Variants in CAST observed in about 807,000 individuals in gnomAD.
CAST encodes the protein calpastatin.
A neutral mutation model predicts 119.6 loss-of-function variants in CAST; 76 were observed. The observed-to-expected ratio is 0.64, with a 90% confidence interval of 0.53 to 0.77. The LOEUF (loss-of-function observed/expected upper bound fraction) is 0.77, where lower values mean the gene tolerates loss of function less well. Among genes scored for constraint, CAST ranks in the 30% least tolerant of loss-of-function variants. CAST has a pLI of 0.00. For synonymous variants in CAST, 319 were observed against 331.6 expected, an observed-to-expected ratio of 0.96 and a Z score of 0.41; for missense variants, 953 against 946.5, an observed-to-expected ratio of 1.01 and a Z score of -0.09.
intron 2 of CAST, among the ~76,000 whole-genome samples, chr5:96,678,879 G>C (rs945421238): frequency 6.6e-6 from 1 of 152,072 alleles, no homozygotes; most frequent in Non-Finnish European, 1.5e-5. Context: ...CACACATGGA[G>C]ATGAATGTAG....
chr5:96,616,579 A>G (rs144086913), intron 1 of CAST, among the ~76,000 whole-genome samples: 20 of 152,246 alleles, frequency 1.3e-4, no homozygotes, highest in African/African-American at 4.8e-4. Flanking sequence ...CACTGGTACC[A>G]TCTTCACTTT....
chr5:96,071,846 G>C, the CAST span, among the ~76,000 whole-genome samples: 2 of 152,104 alleles, frequency 1.3e-5, no homozygotes, highest in African/African-American at 4.8e-5. Flanking sequence ...TTTGGAAGTG[G>C]GGGCAAGTGA....
Position 96,767,929 on chromosome 5 carries a change from C to T in CAST, c.2198C>T (p.Pro733Leu), listed in dbSNP as rs747618954. Residue 733 changes from proline (P) to leucine (L), a missense_variant, in exon 29 of 32, where the codon CCC becomes CTC. Pro to Leu is a moderately conservative substitution (Grantham distance 98). Transcript: ENST00000675179. ...DSKKPADDQDPIDALSGDLDS... is the reference protein window; with the variant it reads ...DSKKPADDQDLIDALSGDLDS... ...CAGAAACCTGCAGATGACCAAGACC[C>T]CATTGATGCTCTCTCAGGAGATCTG... 6.2e-7 allele frequency: 1 copy of T among 1,613,326 alleles called. No homozygotes were observed. Among genetic ancestry groups the T allele is most frequent in the Non-Finnish European group, 8.5e-7 (1 of 1,179,360 alleles).
intron 9 of CAST, among the ~76,000 whole-genome samples, chr5:96,732,587 G>T (rs1452351844): frequency 6.6e-6 from 1 of 151,292 alleles, no homozygotes; most frequent in Non-Finnish European, 1.5e-5. Context: ...CCATGCCTAT[G>T]TCCTGAATGG....
chr5:96,305,579 T>C, the CAST span, among the ~76,000 whole-genome samples: 1 of 152,212 alleles, frequency 6.6e-6, no homozygotes, highest in African/African-American at 2.4e-5. Flanking sequence ...AGTATAATAT[T>C]GGCTCTGGGT....
chr5:96,550,387 C>T lies in CAST; in HGVS notation c.60+20507C>T, dbSNP rs542154646. 1.3e-3 allele frequency among the ~76,000 whole-genome samples: 192 copies of T among 152,282 alleles called. 1 individual carries two copies. Among genetic ancestry groups the T allele is most frequent in the Admixed American group, 2.3e-3 (35 of 15,288 alleles). ...GCATCAACATCAACAAAAAGGACAT[C>T]CACACCAAAACCTCATATGTAGGTC... On this transcript the variant is annotated intron_variant, in intron 1 of 11. Transcript: ENST00000505143.
chr5:96,663,003 C>G, intron 1 of CAST: 3 of 653,144 alleles, frequency 4.6e-6, no homozygotes, highest in Middle Eastern at 7.0e-4. Flanking sequence ...ACCTGGCAGC[C>G]GCCTTGGGAT....
At chr5:96,131,389 G>A in the CAST span, among the ~76,000 whole-genome samples, 1 of 151,594 alleles carries the variant, frequency 6.6e-6, no homozygotes, top group Non-Finnish European at 1.5e-5. Flanking sequence ...AGAATGGAAT[G>A]CAGCTGTAAA....
the CAST span, among the ~76,000 whole-genome samples, chr5:96,186,800 C>T: frequency 6.6e-6 from 1 of 152,150 alleles, no homozygotes; most frequent in Non-Finnish European, 1.5e-5. Context: ...GGATATTCGC[C>T]TGAAGCTTTC....
At chr5:96,593,104 T>C (rs1746994030) in intron 1 of CAST, among the ~76,000 whole-genome samples, 1 of 152,182 alleles carries the variant, frequency 6.6e-6, no homozygotes, top group Non-Finnish European at 1.5e-5. Context: ...AATCTCAGCT[T>C]CCTTTGTGGC....
chr5:96,528,003 TA>T (rs1295751151), upstream of CAST, among the ~76,000 whole-genome samples: 1 of 152,250 alleles, frequency 6.6e-6, no homozygotes, highest in African/African-American at 2.4e-5. Flanking sequence ...CCATAGCAAC[TA>T]ATACTATTTA....
the CAST span, among the ~76,000 whole-genome samples, chr5:96,120,149 T>C: frequency 2.0e-5 from 3 of 152,254 alleles, no homozygotes; most frequent in African/African-American, 7.2e-5. Flanking sequence ...AGGTTTCCTT[T>C]TGGGGTGTTA....
intron 2 of CAST, among the ~76,000 whole-genome samples, chr5:96,680,369 A>AAAAAAAAAAT (rs1751237790): frequency 7.1e-6 from 1 of 140,322 alleles, no homozygotes; most frequent in African/African-American, 2.8e-5. Context: ...AAAAAAAAAA[A>AAAAAAAAAAT]AAAAAAAAAA....
chr5:96,763,074 T>A, intron 25 of CAST: 1 of 769,748 alleles, frequency 1.3e-6, no homozygotes, highest in Non-Finnish European at 2.4e-6. Flanking sequence ...TCTCCTTTGG[T>A]TGAGAACAGT....
chr5:96,369,101 T>C, the CAST span, among the ~76,000 whole-genome samples: 24 of 151,954 alleles, frequency 1.6e-4, no homozygotes, highest in African/African-American at 5.5e-4. Context: ...GGACTTTTAC[T>C]ATTTGGATGT....
chr5:96,001,283 A>G, the CAST span, among the ~76,000 whole-genome samples: 7 of 152,340 alleles, frequency 4.6e-5, no homozygotes, highest in East Asian at 1.3e-3. Flanking sequence ...TTAAAAGATA[A>G]TGTTGCATAT....
the CAST span, among the ~76,000 whole-genome samples, chr5:96,108,826 G>A: frequency 6.6e-6 from 1 of 152,224 alleles, no homozygotes; most frequent in Non-Finnish European, 1.5e-5. Flanking sequence ...CCCCAGCCTT[G>A]CTGCCACCTT....
intron 1 of CAST, among the ~76,000 whole-genome samples, chr5:96,617,771 A>G (rs755156745): frequency 5.5e-4 from 72 of 129,990 alleles, no homozygotes; most frequent in South Asian, 8.5e-4. Context: ...CAGCCTGGGC[A>G]ACAGAGCAAA....
the CAST span, among the ~76,000 whole-genome samples, chr5:96,334,973 T>C: frequency 6.6e-6 from 1 of 152,310 alleles, no homozygotes; most frequent in Non-Finnish European, 1.5e-5. Flanking sequence ...ACACCCTGCA[T>C]TATCGTCCTC....
Sources: allele counts gnomAD v4.1 joint callset (sites outside exome capture counted in the v4.1 genomes callset), GRCh38; gene constraint gnomAD v4.1.1; transcripts MANE v1.5; gene names NCBI Gene and HGNC (gene_info 2026-07-23, HGNC 2026-07-21).